Variants in ZFAND3 observed in about 807,000 individuals in gnomAD.
The protein encoded by ZFAND3 is AN1-type zinc finger protein 3.
In ZFAND3, 10 loss-of-function variants were observed where a neutral mutation model predicts 29.6. The observed-to-expected ratio is 0.34, with a 90% CI of 0.21 to 0.57. ZFAND3 has a LOEUF of 0.57. ZFAND3 is among the 20% of genes least tolerant of loss of function. ZFAND3 has a pLI of 0.86. For synonymous variants in ZFAND3, 128 were observed against 112.6 expected, an observed-to-expected ratio of 1.14 and a Z score of -0.87; for missense variants, 230 against 304.5, an observed-to-expected ratio of 0.76 and a Z score of 1.82.
At chr6:37,842,675 A>G (rs965469809) in intron 1 of ZFAND3, among the ~76,000 whole-genome samples, 1 of 152,158 alleles carries the variant, frequency 6.6e-6, no homozygotes, top group African/African-American at 2.4e-5. Flanking sequence ...ATAGATTGGA[A>G]TTTACTTAGA....
At chr6:37,915,679 C>T (rs1334317161) in intron 1 of ZFAND3, 1 of 152,192 alleles carries the variant, frequency 6.6e-6, no homozygotes, top group Non-Finnish European at 1.5e-5. Flanking sequence ...TGCAATTTTC[C>T]ACAAATGTGA....
chr6:38,154,488 T>C lies in ZFAND3; in HGVS notation c.*2099T>C, dbSNP rs1008785889. Reference sequence around the variant, plus strand: ...TAAAAGAGAAAATCTTATTTAACCCTTTTGTGTTCTAGATTTACTTACACA... The same window carrying C: ...TAAAAGAGAAAATCTTATTTAACCCCTTTGTGTTCTAGATTTACTTACACA... On this transcript the variant is annotated 3_prime_UTR_variant, in exon 6 of 6. Coordinates refer to ENST00000287218, the MANE Select transcript of ZFAND3 (RefSeq NM_021943.3). The C allele has an allele frequency of 4.1e-4, 405 of 983,154 alleles. No homozygotes were observed. The highest frequency in any genetic ancestry group is 4.7e-4 in the Non-Finnish European group (387 of 827,438). 60.9% of individuals were successfully genotyped at this position (983,154 alleles called of 1,614,324 possible).
In ZFAND3 at chr6:38,135,834, A is replaced by G. The variant is rs550277262; in HGVS notation, c.530-16401A>G. ...CACACGTAAGAGCTGCTTGGTGTGG[A>G]CACTTACTAGCATCACCAAGTTTGG... On this transcript the variant is annotated intron_variant, in intron 5 of 5. Coordinates refer to ENST00000287218, the MANE Select transcript of ZFAND3 (RefSeq NM_021943.3). 1.1e-3 allele frequency among the ~76,000 whole-genome samples: 172 copies of G among 152,184 alleles called. 1 individual carries two copies. The Middle Eastern group carries it at 0.014, about 12-fold the overall frequency.
At chr6:37,984,549 A>G (rs9462374) in intron 2 of ZFAND3, among the ~76,000 whole-genome samples, 55,535 of 152,136 alleles carry the variant, frequency 0.37, 10,901 homozygotes, top group East Asian at 0.57. Flanking sequence ...GGATGTGAAG[A>G]TGGTACTTTC....
Position 38,106,142 on chromosome 6 carries a change from A to G in ZFAND3, c.362-10430A>G, listed in dbSNP as rs142521406. ...AAGGTAGATGAGTAGCAACTTACAT[A>G]CAAATGACATTCTTTTTTTTTTTTT... On this transcript the variant is annotated intron_variant, in intron 4 of 5. Transcript: ENST00000287218. Among the ~76,000 whole-genome samples the G allele has an allele frequency of 2.0e-5, 3 of 151,436 alleles. No individual in the cohort carries two copies. In the East Asian group the frequency reaches 5.8e-4, roughly 29 times the overall value.
chr6:37,944,914 C>T (rs1251478281), intron 2 of ZFAND3, among the ~76,000 whole-genome samples: 4 of 152,170 alleles, frequency 2.6e-5, no homozygotes, highest in Non-Finnish European at 5.9e-5. Flanking sequence ...GAGCATACTC[C>T]AGACAGGGTT....
chr6:37,964,928 T>C (rs1424842643), intron 2 of ZFAND3, among the ~76,000 whole-genome samples: 1 of 152,154 alleles, frequency 6.6e-6, no homozygotes, highest in Non-Finnish European at 1.5e-5. Flanking sequence ...TTTAGTGAGA[T>C]ACTGGGTGGA....
At chr6:38,143,405 G>A (rs1156319213) in intron 5 of ZFAND3, among the ~76,000 whole-genome samples, 8 of 152,262 alleles carry the variant, frequency 5.3e-5, no homozygotes, top group African/African-American at 1.9e-4. Context: ...TGCCAAGGGA[G>A]GGCTCTCAAT....
At chr6:38,040,698 A>G (rs980166600) in intron 2 of ZFAND3, among the ~76,000 whole-genome samples, 1 of 152,188 alleles carries the variant, frequency 6.6e-6, no homozygotes, top group African/African-American at 2.4e-5. Flanking sequence ...TTCTGTATGT[A>G]TGTTTGTATG....
At chr6:37,851,044 CTTTT>C (rs574230972) in intron 1 of ZFAND3, among the ~76,000 whole-genome samples, 1 of 142,524 alleles carries the variant, frequency 7.0e-6, no homozygotes, top group Non-Finnish European at 1.5e-5. Flanking sequence ...CCTCTTGCCT[CTTTT>C]TTTTTTTTTT....
chr6:38,033,510 G>C (rs970372539), intron 2 of ZFAND3, among the ~76,000 whole-genome samples: 3 of 152,070 alleles, frequency 2.0e-5, no homozygotes, highest in African/African-American at 4.8e-5. Context: ...TGGCCTGCAG[G>C]CTGCTTTAAC....
intron 2 of ZFAND3, among the ~76,000 whole-genome samples, chr6:38,055,142 T>G (rs1391128971): frequency 6.6e-6 from 1 of 152,212 alleles, no homozygotes; most frequent in Non-Finnish European, 1.5e-5. Context: ...GAAATGAATT[T>G]TTATTTTTAA....
intron 1 of ZFAND3, among the ~76,000 whole-genome samples, chr6:37,850,405 TAA>T (rs1764259596): frequency 6.6e-6 from 1 of 152,198 alleles, no homozygotes; most frequent in Non-Finnish European, 1.5e-5. Context: ...ATACGGAGAA[TAA>T]GTCACTGCCC....
intron 2 of ZFAND3, among the ~76,000 whole-genome samples, chr6:38,008,023 C>G (rs1347454120): frequency 6.6e-6 from 1 of 152,156 alleles, no homozygotes; most frequent in African/African-American, 2.4e-5. Flanking sequence ...CCTGCTGGAT[C>G]AGAACCTGCA....
At chr6:37,857,325 T>C (rs931494980) in intron 1 of ZFAND3, among the ~76,000 whole-genome samples, 1 of 152,184 alleles carries the variant, frequency 6.6e-6, no homozygotes, top group Non-Finnish European at 1.5e-5. Context: ...CAGAAACATA[T>C]AACATGATAA....
chr6:38,069,494 G>T (rs146455431), intron 3 of ZFAND3, among the ~76,000 whole-genome samples: 2 of 152,290 alleles, frequency 1.3e-5, no homozygotes, highest in Admixed American at 1.3e-4. Flanking sequence ...AACTTTAAAT[G>T]TCTCTTTTGA....
chr6:37,853,399 T>C (rs1764318032), intron 1 of ZFAND3, among the ~76,000 whole-genome samples: 1 of 143,940 alleles, frequency 6.9e-6, no homozygotes, highest in African/African-American at 2.7e-5. Context: ...CCAACAGCCC[T>C]TCTGAGCCTC....
chr6:38,128,963 C>G (rs1421370450), intron 5 of ZFAND3, among the ~76,000 whole-genome samples: 2 of 152,150 alleles, frequency 1.3e-5, no homozygotes, highest in Non-Finnish European at 2.9e-5. Flanking sequence ...TAAAAGTATT[C>G]CCTGTTTACT....
At chr6:37,888,303 C>T (rs1251331099) in intron 1 of ZFAND3, among the ~76,000 whole-genome samples, 1 of 152,150 alleles carries the variant, frequency 6.6e-6, no homozygotes, top group Non-Finnish European at 1.5e-5. Context: ...TGTCACATAG[C>T]TCAGTCTCTG....
Sources: gnomAD v4.1 joint callset for allele counts (sites outside exome capture counted in the v4.1 genomes callset) on GRCh38, gnomAD v4.1.1 for gene constraint, MANE v1.5 for transcripts, NCBI Gene and HGNC (gene_info 2026-07-23, HGNC 2026-07-21) for gene names.